The following AFF3 variants were observed in gnomAD, a reference collection of about 807,000 sequenced individuals.
The protein encoded by AFF3 is ALF transcription elongation factor 3, also known as AF4/FMR2 family member 3.
Under a neutral mutation model 129.7 loss-of-function variants are expected in AFF3, and 32 were observed. The ratio of observed to expected loss-of-function variants is 0.25; its 90% confidence interval spans 0.19 to 0.33. The LOEUF (loss-of-function observed/expected upper bound fraction) is 0.33. Ranked by LOEUF, AFF3 falls within the 10% of genes least tolerant of loss-of-function variation. AFF3 has a pLI of 1.00. For missense variants in AFF3, 1,373 were observed against 1,592.0 expected (o/e 0.86, Z 2.34); for synonymous variants, 644 against 635.4 (o/e 1.01, Z -0.20).
chr2:99,638,193 C>T (rs1326389916), intron 13 of AFF3, among the ~76,000 whole-genome samples: 1 of 151,960 alleles, frequency 6.6e-6, no homozygotes, highest in Non-Finnish European at 1.5e-5. Flanking sequence ...ACTACCTCAG[C>T]CTCCTGCAGG....
intron 8 of AFF3, among the ~76,000 whole-genome samples, chr2:99,827,538 T>C (rs1475360135): frequency 1.3e-5 from 2 of 151,612 alleles, no homozygotes; most frequent in Non-Finnish European, 2.9e-5. Flanking sequence ...GTGGGAGAGA[T>C]GGCAGTTGGT....
At chr2:99,554,758 G>GT in intron 22 of AFF3, 26 bp from the exon 23 acceptor site, 2 of 1,613,996 alleles carry the variant, frequency 1.2e-6, no homozygotes, top group Non-Finnish European at 1.7e-6. Flanking sequence ...AACACTGACA[G>GT]TGAGTGCCAT....
intron 4 of AFF3, among the ~76,000 whole-genome samples, chr2:100,033,721 A>T (rs1336388599): frequency 6.6e-6 from 1 of 152,154 alleles, no homozygotes; most frequent in Non-Finnish European, 1.5e-5. Context: ...TTTTTATTGG[A>T]CAATAAAAGC....
At chr2:99,944,359 G>A (rs186920674) in intron 7 of AFF3, among the ~76,000 whole-genome samples, 142 of 152,278 alleles carry the variant, frequency 9.3e-4, no homozygotes, top group African/African-American at 3.3e-3. Flanking sequence ...GAGTATATTG[G>A]GTTGAAGTTG....
intron 11 of AFF3, among the ~76,000 whole-genome samples, chr2:99,704,955 C>A (rs1677216430): frequency 6.6e-6 from 1 of 152,080 alleles, no homozygotes; most frequent in South Asian, 2.1e-4. Context: ...ATGAAAATTG[C>A]AGCTATAGGA....
intron 7 of AFF3, among the ~76,000 whole-genome samples, chr2:99,862,847 T>G (rs1691095780): frequency 6.6e-6 from 1 of 152,252 alleles, no homozygotes; most frequent in African/African-American, 2.4e-5. Flanking sequence ...GTCCCTCTTT[T>G]ATTAAGTAGT....
chr2:99,896,620 CTTTTTTTTTTTTTTTTTTTT>C (rs35573862), intron 7 of AFF3, among the ~76,000 whole-genome samples: 11 of 36,074 alleles, frequency 3.0e-4, no homozygotes, highest in Admixed American at 1.5e-3. Flanking sequence ...TGTCAAAATG[CTTTTTTTTTTTTTTTTTTTT>C]TTTTTTTTTT....
chr2:100,045,644 C>T (rs1032526472), intron 4 of AFF3, among the ~76,000 whole-genome samples: 1 of 151,948 alleles, frequency 6.6e-6, no homozygotes, highest in Middle Eastern at 3.4e-3. Context: ...CCACCTTTCC[C>T]ACCTCTGCCA....
intron 13 of AFF3, among the ~76,000 whole-genome samples, chr2:99,604,292 A>AT (rs1680124202): frequency 6.6e-6 from 1 of 152,156 alleles, no homozygotes; most frequent in Admixed American, 6.5e-5. Flanking sequence ...CAATGCAACC[A>AT]TTTAAAAAAA....
At chr2:99,893,328 T>A (rs1461159829) in intron 7 of AFF3, among the ~76,000 whole-genome samples, 1 of 152,222 alleles carries the variant, frequency 6.6e-6, no homozygotes, top group Non-Finnish European at 1.5e-5. Context: ...TTAATACGTA[T>A]GACTGACTAG....
Position 99,653,147 on chromosome 2 carries a change from C to T in AFF3, c.1144-3481G>A, listed in dbSNP as rs566632547. Among the ~76,000 whole-genome samples, 7 of 152,286 alleles carry T rather than the reference C, an allele frequency of 4.6e-5. No homozygotes were observed. The South Asian group carries it at 1.0e-3, about 23-fold the overall frequency. ...CAGCAAGATGGCTTTCGCTTTAGGC[C>T]GCGATACTTGAACTTAATTTAACTC... On this transcript the variant is annotated intron_variant, in intron 12 of 24. Transcript: ENST00000672756.
intron 7 of AFF3, among the ~76,000 whole-genome samples, chr2:100,005,716 G>C (rs1343857352): frequency 1.3e-5 from 2 of 152,158 alleles, no homozygotes; most frequent in African/African-American, 4.8e-5. Context: ...TCTAAACGGT[G>C]ATATGTTGAT....
rs77819587 is a variant in AFF3 at position 99,609,747 on chromosome 2, C to T, written c.1185-8126G>A. On this transcript the variant is annotated intron_variant, in intron 13 of 24. Coordinates refer to ENST00000672756, the MANE Select transcript of AFF3 (RefSeq NM_001386135.1). Reference sequence around the variant, plus strand: ...TCTTGTGCCCCTCACCCAGTTACTCCCAAGGTTAAATCTTATGTAACTACA... The same window carrying T: ...TCTTGTGCCCCTCACCCAGTTACTCTCAAGGTTAAATCTTATGTAACTACA... Among the ~76,000 whole-genome samples the T allele has an allele frequency of 4.7e-4, 72 of 152,276 alleles. 1 individual carries two copies. Among genetic ancestry groups the T allele is most frequent in the African/African-American group, 1.7e-3 (72 of 41,546 alleles).
chr2:99,825,166 A>C (rs1164353868), intron 8 of AFF3, among the ~76,000 whole-genome samples: 1 of 152,242 alleles, frequency 6.6e-6, no homozygotes, highest in East Asian at 1.9e-4. Flanking sequence ...ATGCAATGGC[A>C]AAGGAGAAAT....
intron 1 of AFF3, among the ~76,000 whole-genome samples, chr2:100,139,961 A>T (rs1008221218): frequency 1.3e-5 from 2 of 152,248 alleles, no homozygotes; most frequent in African/African-American, 4.8e-5. Flanking sequence ...TCAGCTCCAG[A>T]GGGTGCAAAT....
At chr2:100,101,118 C>T (rs1331026935) in intron 4 of AFF3, among the ~76,000 whole-genome samples, 1 of 152,144 alleles carries the variant, frequency 6.6e-6, no homozygotes, top group African/African-American at 2.4e-5. Flanking sequence ...CTGGATAATT[C>T]AGGCTCAAAA....
chr2:99,671,467 G>A (rs1009337917), intron 12 of AFF3, among the ~76,000 whole-genome samples: 3 of 152,094 alleles, frequency 2.0e-5, no homozygotes, highest in African/African-American at 7.2e-5. Flanking sequence ...CCCATGACAT[G>A]AGTAACCTCT....
chr2:99,648,917 A>ACACACACACACTCTCTCTCTCT, intron 13 of AFF3, among the ~76,000 whole-genome samples: 4 of 46,866 alleles, frequency 8.5e-5, no homozygotes, highest in Admixed American at 2.6e-4. Context: ...ACACACACAC[A>ACACACACACACTCTCTCTCTCT]CTCTCTCTCT....
intron 4 of AFF3, among the ~76,000 whole-genome samples, chr2:100,103,540 G>A (rs1239897737): frequency 6.7e-6 from 1 of 148,836 alleles, no homozygotes. Context: ...GAGAAAGAAG[G>A]GGGAATAAGA....
Sources: gnomAD v4.1 joint callset for allele counts (sites outside exome capture counted in the v4.1 genomes callset) on GRCh38, gnomAD v4.1.1 for gene constraint, MANE v1.5 for transcripts, NCBI Gene and HGNC (gene_info 2026-07-23, HGNC 2026-07-21) for gene names.